Variants in DDX1 observed in about 807,000 individuals in gnomAD.
The protein encoded by DDX1 is ATP-dependent RNA helicase DDX1.
A neutral mutation model predicts 108.7 loss-of-function variants in DDX1; 28 were observed. The ratio of observed to expected loss-of-function variants is 0.26; its 90% CI spans 0.19 to 0.35. DDX1 has a LOEUF of 0.35. Ranked by LOEUF, DDX1 falls within the 10% of genes least tolerant of loss-of-function variation. The pLI is 1.00. For synonymous variants in DDX1, 295 were observed against 288.9 expected, an observed-to-expected ratio of 1.02 and a Z score of -0.21; for missense variants, 710 against 884.5, an observed-to-expected ratio of 0.80 and a Z score of 2.50.
intron 9 of DDX1, 66 bp downstream of exon 9, chr2:15,603,956 G>A: frequency 9.9e-7 from 1 of 1,012,286 alleles, no homozygotes; most frequent in Non-Finnish European, 1.5e-6. Flanking sequence ...AATCACTCAT[G>A]ACAGAATGAG....
intron 14 of DDX1, among the ~76,000 whole-genome samples, chr2:15,616,511 G>A (rs1007687872): frequency 1.3e-5 from 2 of 152,114 alleles, no homozygotes; most frequent in Non-Finnish European, 2.9e-5. Flanking sequence ...GTTTGTACTG[G>A]CACCGAGGCT....
chr2:15,615,679 A>G (rs1325711133), intron 14 of DDX1, among the ~76,000 whole-genome samples: 2 of 152,202 alleles, frequency 1.3e-5, no homozygotes, highest in East Asian at 3.9e-4. Context: ...ATATTGAAGT[A>G]ATGGAACTAG....
chr2:15,595,069 A>G (rs1665477260), intron 1 of DDX1, 76 bp from the exon 2 acceptor site: 2 of 1,158,654 alleles, frequency 1.7e-6, no homozygotes, highest in Non-Finnish European at 2.5e-6. Context: ...ACCCTGTTTT[A>G]TGAATAGTAA....
chr2:15,609,855 A>G (rs1665724939), intron 13 of DDX1, among the ~76,000 whole-genome samples: 1 of 152,240 alleles, frequency 6.6e-6, no homozygotes, highest in Non-Finnish European at 1.5e-5. Context: ...ACTGAATCAG[A>G]ATTTCCAGAG....
At chr2:15,623,774 G>C (rs1157921875) in intron 19 of DDX1, among the ~76,000 whole-genome samples, 192 bp downstream of exon 19, 1 of 151,964 alleles carries the variant, frequency 6.6e-6, no homozygotes, top group African/African-American at 2.4e-5. Context: ...TTTCCACGTA[G>C]GTACATTTTC....
At chr2:15,621,189 A>G in intron 18 of DDX1, 73 bp downstream of exon 18, 4 of 1,029,402 alleles carry the variant, frequency 3.9e-6, no homozygotes, top group Middle Eastern at 2.4e-4. Context: ...CTCATGAAGG[A>G]TGTGAGGTGA....
chr2:15,601,164 A>G (rs987762675), intron 6 of DDX1, among the ~76,000 whole-genome samples: 1 of 152,194 alleles, frequency 6.6e-6, no homozygotes, highest in African/African-American at 2.4e-5. Flanking sequence ...CTGACAGCAG[A>G]TGTGTGGGGT....
intron 20 of DDX1, chr2:15,627,637 G>A (rs6743036): frequency 0.24 from 36,201 of 153,198 alleles, 5,238 homozygotes; most frequent in African/African-American, 0.41. Flanking sequence ...GGGTGGGTAA[G>A]TAAATGGCTT....
chr2:15,602,293 A>G (rs1418712533), intron 6 of DDX1, among the ~76,000 whole-genome samples: 2 of 152,204 alleles, frequency 1.3e-5, no homozygotes, highest in African/African-American at 4.8e-5. Context: ...ATCTTACCTT[A>G]GTTAACAGAT....
chr2:15,594,087 A>G (rs1300302854), intron 1 of DDX1, among the ~76,000 whole-genome samples: 12 of 152,018 alleles, frequency 7.9e-5, no homozygotes, highest in Admixed American at 7.9e-4. Context: ...AAAAAAAACA[A>G]AAGAAAAGAA....
At position 15,630,115 on chromosome 2, in the gene DDX1, G is replaced by A. The variant is rs1666168961; in HGVS notation, c.2092+5G>A. On this transcript the variant is annotated splice_donor_5th_base_variant and intron_variant, in intron 25 of 25. Transcript: ENST00000233084. ...GTCAGAAAAGGGCTGCTGGTGGTAA[G>A]CTTTGAATTATTTTAAATACAATTT... 1.9e-6 allele frequency: 3 copies of A among 1,611,974 alleles called. No homozygotes were observed. The highest frequency in any genetic ancestry group is 1.1e-5 in the South Asian group (1 of 90,348).
chr2:15,607,763 T>A (rs1665689236), intron 13 of DDX1, among the ~76,000 whole-genome samples: 1 of 152,134 alleles, frequency 6.6e-6, no homozygotes, highest in Non-Finnish European at 1.5e-5. Flanking sequence ...CTATGTTGCT[T>A]AGGCTAGTCT....
At chr2:15,628,175 A>AAGTTTT (rs982864734) in intron 20 of DDX1, among the ~76,000 whole-genome samples, 7 of 152,206 alleles carry the variant, frequency 4.6e-5, no homozygotes, top group African/African-American at 1.7e-4. Flanking sequence ...AGATTAAGCC[A>AAGTTTT]AGTTTTAGCA....
chr2:15,599,952 G>C (rs1229230986), intron 6 of DDX1, among the ~76,000 whole-genome samples: 2 of 152,148 alleles, frequency 1.3e-5, no homozygotes, highest in Admixed American at 6.6e-5. Flanking sequence ...ATTTCAGTGA[G>C]ACAAAAGGAT....
intron 1 of DDX1, among the ~76,000 whole-genome samples, chr2:15,592,730 C>T (rs761948493): frequency 2.0e-5 from 3 of 152,230 alleles, no homozygotes; most frequent in South Asian, 2.1e-4. Flanking sequence ...AAACGTGATA[C>T]ATTTATGTAG....
At chr2:15,628,163 A>G (rs2148750398) in intron 20 of DDX1, among the ~76,000 whole-genome samples, 1 of 152,300 alleles carries the variant, frequency 6.6e-6, no homozygotes, top group Non-Finnish European at 1.5e-5. Context: ...AGATATTTAT[A>G]AAGATTAAGC....
At chr2:15,613,833 AT>A (rs61546961) in intron 14 of DDX1, among the ~76,000 whole-genome samples, 32,084 of 133,300 alleles carry the variant, frequency 0.24, 4,065 homozygotes, top group African/African-American at 0.41. Flanking sequence ...AAGTTTAGGA[AT>A]TTTTTTTTTT....
In DDX1 at chr2:15,617,330, C is replaced by A; in HGVS notation, c.1104C>A (p.Val368=). The part of the protein sequence containing the change: ...KLNLSQVRFL[V]LDEADGLLSQ... ...ACTTATCTCAAGTTAGATTCCTGGTCCTGGATGAAGCTGTATGTTGAAATA... is the reference window on the plus strand; with the variant it reads ...ACTTATCTCAAGTTAGATTCCTGGTACTGGATGAAGCTGTATGTTGAAATA... The change falls in exon 15 of 26, where the codon GTC becomes GTA. Residue 368 remains valine (V), a synonymous_variant. Transcript: ENST00000233084. The A allele has an allele frequency of 6.3e-7, 1 of 1,587,948 alleles. No individual in the cohort carries two copies. The highest frequency in any genetic ancestry group is 2.3e-5 in the East Asian group (1 of 44,260).
chr2:15,607,737 TAG>T (rs1332100585), intron 13 of DDX1, among the ~76,000 whole-genome samples: 1 of 152,076 alleles, frequency 6.6e-6, no homozygotes, highest in African/African-American at 2.4e-5. Context: ...GCCACCTTAG[TAG>T]AGATAGGGTT....
Sources: gnomAD v4.1 joint callset for allele counts (sites outside exome capture counted in the v4.1 genomes callset) on GRCh38, gnomAD v4.1.1 for gene constraint, MANE v1.5 for transcripts, NCBI Gene and HGNC (gene_info 2026-07-23, HGNC 2026-07-21) for gene names.